Variants in ROR1 observed in about 807,000 individuals in gnomAD.
ROR1 encodes ROR family WNT receptor 1.
ROR1 carries 19 observed loss-of-function variants against 78.8 expected under a neutral mutation model. That is an observed-to-expected ratio of 0.24 (90% CI 0.17 to 0.35). The LOEUF is 0.35. ROR1 is among the 10% of genes least tolerant of loss of function. ROR1 has a pLI of 1.00. For synonymous variants in ROR1, 386 were observed against 433.6 expected (o/e 0.89, Z 1.36); for missense variants, 917 against 1,177.8 (o/e 0.78, Z 3.24).
chr1:63,876,915 AT>A (rs1251817519), intron 1 of ROR1, among the ~76,000 whole-genome samples: 3 of 151,762 alleles, frequency 2.0e-5, no homozygotes, highest in African/African-American at 7.3e-5. Context: ...CAGAAAAAAA[AT>A]AAATAGCTTT....
chr1:63,785,125 C>T lies in ROR1; in HGVS notation c.91+10617C>T, dbSNP rs116434174. Among the ~76,000 whole-genome samples, 765 of 152,278 alleles carry T rather than the reference C, an allele frequency of 5.0e-3. 5 individuals are homozygous for T. The highest frequency in any genetic ancestry group is 0.017 in the African/African-American group (713 of 41,554). ...CTTCATGGGAAACTGACACCATTTC[C>T]GGATGGGTTTAGACAATGTACATGA... On this transcript the variant is annotated intron_variant, in intron 1 of 8. Transcript: ENST00000371079.
chr1:64,140,609 T>C (rs551685276), intron 6 of ROR1, among the ~76,000 whole-genome samples, 183 bp downstream of exon 6: 3 of 152,338 alleles, frequency 2.0e-5, no homozygotes, highest in Non-Finnish European at 2.9e-5. Flanking sequence ...AGAAGCTTCA[T>C]GAAGACAATA....
At chr1:64,062,596 C>A (rs1646926031) in intron 4 of ROR1, among the ~76,000 whole-genome samples, 2 of 152,142 alleles carry the variant, frequency 1.3e-5, no homozygotes, top group Admixed American at 1.3e-4. Context: ...CAGGCATGAG[C>A]CACTGTGCCC....
intron 2 of ROR1, among the ~76,000 whole-genome samples, chr1:64,019,708 C>T: frequency 6.6e-6 from 1 of 152,052 alleles, no homozygotes; most frequent in Non-Finnish European, 1.5e-5. Flanking sequence ...CACATTTAAT[C>T]CTCATAAAAA....
At position 64,177,931 on chromosome 1, in the gene ROR1, G is replaced by A; in HGVS notation, c.1890G>A (p.Lys630=). The A allele has an allele frequency of 6.2e-7, 1 of 1,614,238 alleles. No individual in the cohort carries two copies. The highest frequency in any genetic ancestry group is 8.5e-7 in the Non-Finnish European group (1 of 1,180,044). ...TAATCGGAGAGCAACTTCATGTAAA[G>A]ATTTCAGACTTGGGGCTTTCCAGAG... The part of the protein sequence containing the change: ...NILIGEQLHV[K]ISDLGLSREI... Residue 630 remains lysine, a synonymous_variant, in exon 9 of 9, where the codon AAG becomes AAA. Coordinates refer to ENST00000371079, the MANE Select transcript of ROR1 (RefSeq NM_005012.4).
At chr1:63,993,522 T>C (rs1246900842) in intron 1 of ROR1, among the ~76,000 whole-genome samples, 1 of 152,238 alleles carries the variant, frequency 6.6e-6, no homozygotes, top group Non-Finnish European at 1.5e-5. Context: ...TGTAAGAGTA[T>C]GCATACATAA....
chr1:64,120,688 C>T (rs1374633064), intron 4 of ROR1, among the ~76,000 whole-genome samples: 2 of 152,276 alleles, frequency 1.3e-5, no homozygotes, highest in South Asian at 4.1e-4. Flanking sequence ...GACCCAGCAA[C>T]ACTCACTCTC....
chr1:64,178,303 T>A lies in ROR1; in HGVS notation c.2262T>A (p.Ser754Arg), dbSNP rs1419583877. 2 of 1,614,104 alleles carry A rather than the reference T, an allele frequency of 1.2e-6. No individual in the cohort carries two copies. Among genetic ancestry groups the A allele is most frequent in the South Asian group, 2.2e-5 (2 of 91,078 alleles). The change falls in exon 9 of 9, where the codon AGT becomes AGA. Residue 754 changes from serine (S) to arginine (R), a missense_variant. This residue lies in a region of ROR1 where 835 missense variants were observed against 1,069.8 expected (regional missense o/e 0.78). Transcript: ENST00000371079. This position sits in a 1 kb window ranked among gnomAD's most constrained non-coding sequence, Gnocchi z 4.3. Reference sequence around the variant, plus strand: ...TTCGGTCCTGGGAGGGACTCTCAAGTCACACAAGCTCTACTACTCCTTCAG... The same window carrying A: ...TTCGGTCCTGGGAGGGACTCTCAAGACACACAAGCTCTACTACTCCTTCAG... ...VRLRSWEGLS[S>R]HTSSTTPSGG... is the part of the protein sequence containing the mutation.
chr1:63,911,772 A>C (rs1645572038), intron 1 of ROR1, among the ~76,000 whole-genome samples: 1 of 152,182 alleles, frequency 6.6e-6, no homozygotes, highest in Non-Finnish European at 1.5e-5. Context: ...TGAAGGAATA[A>C]AAAGTTTAAG....
At chr1:63,925,002 T>C (rs969485925) in intron 1 of ROR1, among the ~76,000 whole-genome samples, 1 of 150,724 alleles carries the variant, frequency 6.6e-6, no homozygotes, top group Non-Finnish European at 1.5e-5. Flanking sequence ...TCTTTCTTTA[T>C]TTTTTATTTT....
intron 4 of ROR1, among the ~76,000 whole-genome samples, chr1:64,108,057 TTGTTGTGTG>T (rs1557655472): frequency 9.1e-6 from 1 of 109,884 alleles, no homozygotes; most frequent in African/African-American, 3.8e-5. Context: ...TTTTGTTTTC[TTGTTGTGTG>T]TGTGTGTGTG....
At chr1:64,112,148 G>GA (rs1218287707) in intron 4 of ROR1, 1 of 152,140 alleles carries the variant, frequency 6.6e-6, no homozygotes, top group African/African-American at 2.4e-5. Context: ...ATGAGCTTTT[G>GA]AAAATAGGCC....
At chr1:64,074,597 G>C (rs756417551) in intron 4 of ROR1, among the ~76,000 whole-genome samples, 13 of 152,192 alleles carry the variant, frequency 8.5e-5, no homozygotes, top group Non-Finnish European at 1.8e-4. Flanking sequence ...AATAGAGGCA[G>C]GGAAAATGCC....
At chr1:63,800,861 C>T (rs1447667945) in intron 1 of ROR1, among the ~76,000 whole-genome samples, 1 of 152,144 alleles carries the variant, frequency 6.6e-6, no homozygotes, top group Non-Finnish European at 1.5e-5. Context: ...TGAAGTTTGA[C>T]TGACCTTGAA....
chr1:63,901,619 C>A (rs549589503), intron 1 of ROR1, among the ~76,000 whole-genome samples: 8 of 151,260 alleles, frequency 5.3e-5, no homozygotes, highest in African/African-American at 1.9e-4. Flanking sequence ...AAAAAAAAAA[C>A]CACCCAGATA....
chr1:64,075,542 A>G (rs554110773), intron 4 of ROR1, among the ~76,000 whole-genome samples: 57 of 152,334 alleles, frequency 3.7e-4, no homozygotes, highest in African/African-American at 1.3e-3. Context: ...GTTAGCTCCT[A>G]TGAATGCCTC....
chr1:64,151,650 A>C (rs536977941), intron 7 of ROR1, among the ~76,000 whole-genome samples: 1 of 152,062 alleles, frequency 6.6e-6, no homozygotes, highest in Non-Finnish European at 1.5e-5. Context: ...AGGCGGGCAG[A>C]TCATTTAAGG....
intron 1 of ROR1, among the ~76,000 whole-genome samples, chr1:63,829,193 T>C (rs1397168511): frequency 2.0e-5 from 3 of 152,236 alleles, no homozygotes; most frequent in Non-Finnish European, 2.9e-5. Flanking sequence ...GGATCCTTTG[T>C]TTGATTCCCC....
chr1:64,177,319 G>A, intron 8 of ROR1, 109 bp from the exon 9 acceptor site: 2 of 820,212 alleles, frequency 2.4e-6, no homozygotes, highest in Non-Finnish European at 4.0e-6. Flanking sequence ...ATATTTTATT[G>A]AATTTGTTTA....
Sources: allele counts gnomAD v4.1 joint callset (sites outside exome capture counted in the v4.1 genomes callset), GRCh38; gene constraint gnomAD v4.1.1; regional missense constraint gnomAD v4.1.1; non-coding constraint Gnocchi (gnomAD v3.1); transcripts MANE v1.5; gene names NCBI Gene and HGNC (gene_info 2026-07-23, HGNC 2026-07-21).